Variants in ZNF22 observed in about 807,000 individuals in gnomAD.
ZNF22 encodes krox-26 protein.
In ZNF22, 15 loss-of-function variants were observed where a neutral mutation model predicts 17.0. The ratio of observed to expected loss-of-function variants is 0.88; its 90% CI spans 0.59 to 1.36. The LOEUF (loss-of-function observed/expected upper bound fraction) is 1.36, where lower values mean the gene tolerates loss of function less well. Among genes scored for constraint, ZNF22 ranks in the 40% most tolerant of loss-of-function variants. ZNF22 has a pLI of 0.00. For missense variants in ZNF22, 272 were observed against 276.1 expected, an observed-to-expected ratio of 0.98 and a Z score of 0.11; for synonymous variants, 84 against 90.7, an observed-to-expected ratio of 0.93 and a Z score of 0.42.
rs1842360497 is a variant in ZNF22 at position 45,004,695 on chromosome 10, TG to T, written c.*653del. ...TTCCCTTTTTTTGTTTTGTTTGTTT[TG>T]TTTTTTTTAACCAAATTCTTAGAGA... On this transcript the variant is annotated 3_prime_UTR_variant, in exon 2 of 2. Coordinates refer to ENST00000298299, the MANE Select transcript of ZNF22 (RefSeq NM_006963.5). 1 of 167,080 alleles carries T rather than the reference TG, an allele frequency of 6.0e-6. No individual in the cohort carries two copies. Among genetic ancestry groups the T allele is most frequent in the South Asian group, 2.1e-4 (1 of 4,838 alleles). 10.3% of individuals were successfully genotyped at this position (167,080 alleles called of 1,614,324 possible).
Position 45,004,112 on chromosome 10 carries a change from C to T in ZNF22, c.*69C>T. On this transcript the variant is annotated 3_prime_UTR_variant, in exon 2 of 2. Coordinates refer to ENST00000298299, the MANE Select transcript of ZNF22 (RefSeq NM_006963.5). The stretch of plus-strand genomic sequence containing the variant: ...ATAAAAAGTAAAAAATGAAAGGAAT[C>T]TTTTTTAGAAATAGAGATGCTTTAT... 6.8e-7 allele frequency: 1 copy of T among 1,461,848 alleles called. No individual in the cohort carries two copies. The highest frequency in any genetic ancestry group is 1.4e-5 in the South Asian group (1 of 71,596). The allele number at this position is 1,461,848 out of a possible 1,614,324, so 90.6% of individuals were successfully genotyped here. A position where few individuals can be genotyped will look rare whatever the true frequency, so the allele number is the denominator to read the frequency against.
At chr10:45,002,095 C>T (rs1031309525) in intron 1 of ZNF22, 13 of 152,118 alleles carry the variant, frequency 8.5e-5, no homozygotes, top group Non-Finnish European at 1.5e-4. Context: ...CTCAATTATA[C>T]AATAAGATGA....
chr10:45,002,524 T>G (rs1164005672), intron 1 of ZNF22: 1 of 152,280 alleles, frequency 6.6e-6, no homozygotes, highest in Non-Finnish European at 1.5e-5. Context: ...AAAGTTCTTT[T>G]GCAGTTTTTC....
chr10:45,001,497 C>T (rs1564474461), intron 1 of ZNF22, among the ~76,000 whole-genome samples: 1 of 152,230 alleles, frequency 6.6e-6, no homozygotes, highest in East Asian at 1.9e-4. Context: ...TGTGCAAGAA[C>T]AGCAGCTTCT....
In ZNF22 at chr10:45,003,324, G is replaced by A; in HGVS notation, c.-45G>A. 1 of 1,522,510 alleles carries A rather than the reference G, an allele frequency of 6.6e-7. No individual in the cohort carries two copies. The highest frequency in any genetic ancestry group is 8.8e-7 in the Non-Finnish European group (1 of 1,135,612). 94.3% of individuals were successfully genotyped at this position (1,522,510 alleles called of 1,614,324 possible). On this transcript the variant is annotated 5_prime_UTR_variant, in exon 2 of 2. Transcript: ENST00000298299. ...CTCTAGGAAATGAAACACTAGTTCA[G>A]AAGAAGCCTGTAAACTCTCTTACAA...
At chr10:45,001,534 C>T (rs1211434559) in intron 1 of ZNF22, among the ~76,000 whole-genome samples, 1 of 152,174 alleles carries the variant, frequency 6.6e-6, no homozygotes, top group Non-Finnish European at 1.5e-5. Context: ...TTCGTGCTTG[C>T]CCCTGCTGGG....
chr10:45,000,948 A>C lies in ZNF22; in HGVS notation c.-120A>C, dbSNP rs532748391. ...ACTTCCGGCGGCGCGGGAGGCGCCC[A>C]GCGAGCCAGAGTGGTGGCTGGTCCC... On this transcript the variant is annotated 5_prime_UTR_variant, in exon 1 of 2. Transcript: ENST00000298299. 1 of 1,032,140 alleles carries C rather than the reference A, an allele frequency of 9.7e-7. No individual in the cohort carries two copies. Among genetic ancestry groups the C allele is most frequent in the South Asian group, 1.8e-5 (1 of 54,356 alleles). 63.9% of individuals were successfully genotyped at this position (1,032,140 alleles called of 1,614,324 possible).
In ZNF22 at chr10:45,004,582, A is replaced by G. The variant is rs1842359462; in HGVS notation, c.*539A>G. ...AACATATTAAAATGTATTCAAGCTC[A>G]CAGATTTTTAATCAGTAAGGCCTAT... On this transcript the variant is annotated 3_prime_UTR_variant, in exon 2 of 2. Coordinates refer to ENST00000298299, the MANE Select transcript of ZNF22 (RefSeq NM_006963.5). 6.0e-6 allele frequency: 1 copy of G among 167,184 alleles called. No homozygotes were observed. Among genetic ancestry groups the G allele is most frequent in the Non-Finnish European group, 1.5e-5 (1 of 68,472 alleles). 10.4% of individuals were successfully genotyped at this position (167,184 alleles called of 1,614,324 possible).
intron 1 of ZNF22, among the ~76,000 whole-genome samples, chr10:45,001,800 T>A (rs756063673): frequency 6.6e-6 from 1 of 152,196 alleles, no homozygotes; most frequent in Non-Finnish European, 1.5e-5. Context: ...GTAGGTGGAT[T>A]TGACAGTCTG....
chr10:45,000,973 C>T lies in ZNF22; in HGVS notation c.-95C>T, dbSNP rs1442679791. On this transcript the variant is annotated 5_prime_UTR_variant, in exon 1 of 2. Transcript: ENST00000298299. ...AGCGAGCCAGAGTGGTGGCTGGTCCCGCGCGGTGAGTGGGATTGGGGCACT... is the reference window on the plus strand; with the variant it reads ...AGCGAGCCAGAGTGGTGGCTGGTCCTGCGCGGTGAGTGGGATTGGGGCACT... The T allele has an allele frequency of 2.4e-6, 2 of 824,200 alleles. No individual in the cohort carries two copies. Among genetic ancestry groups the T allele is most frequent in the African/African-American group, 1.9e-5 (1 of 52,922 alleles). The allele number at this position is 824,200 out of a possible 1,614,324, so 51.1% of individuals were successfully genotyped here.
intron 1 of ZNF22, among the ~76,000 whole-genome samples, chr10:45,001,364 G>A (rs577287299): frequency 2.0e-5 from 3 of 152,340 alleles, no homozygotes; most frequent in South Asian, 4.1e-4. Context: ...GGCAGCACAG[G>A]GCTGCTCTGA....
intron 1 of ZNF22, 30 bp downstream of exon 1, chr10:45,001,008 C>A: frequency 2.6e-6 from 1 of 381,280 alleles, no homozygotes; most frequent in Non-Finnish European, 3.8e-6. Context: ...TTGGGGCGCT[C>A]GGGGCCTGCG....
intron 1 of ZNF22, among the ~76,000 whole-genome samples, chr10:45,001,576 A>C (rs1781113057): frequency 6.6e-6 from 1 of 152,146 alleles, no homozygotes; most frequent in South Asian, 2.1e-4. Flanking sequence ...GCCGCGCTGG[A>C]CTGAGCAATG....
In ZNF22 at chr10:45,003,367, C is replaced by G; in HGVS notation, c.-2C>G. ...TCTTACAAATACATTTGGTTATTCA[C>G]CATGAGGTTAGCAAAGCCTAAAGCG... is the stretch of plus-strand genomic sequence containing the variant. On this transcript the variant is annotated 5_prime_UTR_variant, in exon 2 of 2. Coordinates refer to ENST00000298299, the MANE Select transcript of ZNF22 (RefSeq NM_006963.5). The G allele has an allele frequency of 1.3e-6, 2 of 1,585,938 alleles. No homozygotes were observed. Among genetic ancestry groups the G allele is most frequent in the Non-Finnish European group, 1.7e-6 (2 of 1,167,854 alleles).
rs902175469 is a variant in ZNF22 at position 45,004,838 on chromosome 10, A to G, written c.*795A>G. 3 of 167,090 alleles carry G rather than the reference A, an allele frequency of 1.8e-5. No homozygotes were observed. The highest frequency in any genetic ancestry group is 7.2e-5 in the African/African-American group (3 of 41,452). 10.4% of individuals were successfully genotyped at this position (167,090 alleles called of 1,614,324 possible). A position where few individuals can be genotyped will look rare whatever the true frequency, so the allele number is the denominator to read the frequency against. The stretch of plus-strand genomic sequence containing the variant: ...GTTTTCCACAAGTTGGGATGGATTC[A>G]TGTCGATACATCCCCATGCCCTTGA... On this transcript the variant is annotated 3_prime_UTR_variant, in exon 2 of 2. Coordinates refer to ENST00000298299, the MANE Select transcript of ZNF22 (RefSeq NM_006963.5).
rs1292002286 is a variant in ZNF22, at chr10:45,003,888, A to C, written c.520A>C (p.Lys174Gln). Residue 174 changes from lysine (K) to glutamine (Q), a missense_variant, in exon 2 of 2, where the codon AAA becomes CAA. Coordinates refer to ENST00000298299, the MANE Select transcript of ZNF22 (RefSeq NM_006963.5). ...ACCCTACCAGTGCAGTGAATGTGGC[A>C]AATGTTTCAGTCAGAGCTCTCATCT... is the stretch of plus-strand genomic sequence containing the variant. ...EKPYQCSECG[K>Q]CFSQSSHLRQ... The C allele has an allele frequency of 6.2e-7, 1 of 1,614,198 alleles. No individual in the cohort carries two copies. The highest frequency in any genetic ancestry group is 2.2e-5 in the East Asian group (1 of 44,890).
Position 45,005,260 on chromosome 10 carries a change from A to G in ZNF22, c.*1217A>G, listed in dbSNP as rs1842364605. 1 of 164,836 alleles carries G rather than the reference A, an allele frequency of 6.1e-6. No homozygotes were observed. The highest frequency in any genetic ancestry group is 2.1e-4 in the South Asian group (1 of 4,830). 10.2% of individuals were successfully genotyped at this position (164,836 alleles called of 1,614,324 possible). On this transcript the variant is annotated 3_prime_UTR_variant, in exon 2 of 2. Transcript: ENST00000298299. ...TGATTTTTTGGTATCTTTTATAATC[A>G]TATCGGTTTCTGCTGTATTAATGAC...
chr10:45,003,533 T>C lies in ZNF22; in HGVS notation c.165T>C (p.Tyr55=). 1 of 1,614,222 alleles carries C rather than the reference T, an allele frequency of 6.2e-7. No homozygotes were observed. Among genetic ancestry groups the C allele is most frequent in the Non-Finnish European group, 8.5e-7 (1 of 1,180,026 alleles). ...RLRRSLDDKP[Y]KCTECEKSFS... ...GAAGAAGCTTGGATGACAAACCCTA[T>C]AAATGTACTGAATGTGAAAAGAGTT... is the stretch of plus-strand genomic sequence containing the variant. The change falls in exon 2 of 2, where the codon TAT becomes TAC. Residue 55 remains tyrosine, a synonymous_variant. Coordinates refer to ENST00000298299, the MANE Select transcript of ZNF22 (RefSeq NM_006963.5).
chr10:45,001,024 TACTCGGG>T (rs1432012461), intron 1 of ZNF22, 46 bp downstream of exon 1: 34 of 282,890 alleles, frequency 1.2e-4, no homozygotes, highest in African/African-American at 7.4e-4. Flanking sequence ...CTGCGTCGGA[TACTCGGG>T]TCCGCTCGGG....
Sources: gnomAD v4.1 joint callset for allele counts (sites outside exome capture counted in the v4.1 genomes callset) on GRCh38, gnomAD v4.1.1 for gene constraint, MANE v1.5 for transcripts, NCBI Gene and HGNC (gene_info 2026-07-23, HGNC 2026-07-21) for gene names.